Variants in PEG3 observed in about 807,000 individuals in gnomAD.
The protein encoded by PEG3 is paternally-expressed gene 3 protein.
In PEG3, 23 loss-of-function variants were observed where a neutral mutation model predicts 35.5. That is an observed-to-expected ratio of 0.65 (90% CI 0.47 to 0.92). PEG3 has a LOEUF of 0.92. Ranked by LOEUF, PEG3 falls within the 40% of genes least tolerant of loss-of-function variation. The pLI is 0.00. For missense variants in PEG3, 1,960 were observed against 1,985.3 expected, an observed-to-expected ratio of 0.99 and a Z score of 0.24; for synonymous variants, 707 against 697.0, an observed-to-expected ratio of 1.01 and a Z score of -0.23.
rs79209776 is a variant in PEG3 at position 56,834,625 on chromosome 19, G to A, written c.-163+1393C>T. On this transcript the variant is annotated intron_variant, in intron 2 of 9. Transcript: ENST00000326441. ...AAGTCTCCTGAGCTTAGTTAAATGTGGATCTACCAACATGAGCCCTCGGGC... is the reference window on the plus strand; with the variant it reads ...AAGTCTCCTGAGCTTAGTTAAATGTAGATCTACCAACATGAGCCCTCGGGC... Among the ~76,000 whole-genome samples, 247 of 152,232 alleles carry A rather than the reference G, an allele frequency of 1.6e-3. 5 individuals are homozygous for A. In the East Asian group the frequency reaches 0.04, roughly 25 times the overall value.
At chr19:56,821,427 A>AG (rs1286934520) in intron 7 of PEG3, among the ~76,000 whole-genome samples, 2 of 152,102 alleles carry the variant, frequency 1.3e-5, no homozygotes, top group African/African-American at 4.8e-5. Flanking sequence ...ACACATGCTG[A>AG]GGGGGCAGGA....
intron 2 of PEG3, among the ~76,000 whole-genome samples, chr19:56,830,327 C>A (rs968379381): frequency 5.9e-5 from 9 of 152,172 alleles, no homozygotes; most frequent in African/African-American, 2.2e-4. Context: ...TCAGGGTAAA[C>A]TGTTACATAA....
chr19:56,815,034 G>A lies in PEG3; in HGVS notation c.3408C>T (p.Asp1136=), dbSNP rs1474619131. The A allele has an allele frequency of 1.2e-6, 2 of 1,614,088 alleles. No individual in the cohort carries two copies. The highest frequency in any genetic ancestry group is 1.6e-4 in the Middle Eastern group (1 of 6,084). ...QKVHSRKCLV[D]SREYTHSVIH... is the part of the protein sequence containing the mutation. ...TTACAGAATGTGTGTACTCCCGACT[G>A]TCAACCAGGCACTTCCTGCTGTGGA... is the stretch of plus-strand genomic sequence containing the variant. Residue 1136 remains aspartate (D), a synonymous_variant, in exon 10 of 10, where the codon GAC becomes GAT. Transcript: ENST00000326441.
chr19:56,813,396 G>A lies in PEG3; in HGVS notation c.*279C>T, dbSNP rs891319223. On this transcript the variant is annotated 3_prime_UTR_variant, in exon 10 of 10. Coordinates refer to ENST00000326441, the MANE Select transcript of PEG3 (RefSeq NM_006210.3). ...TGATTTGGGCAAACTCTGTAGTCTG[G>A]AATACTCATAGGGTTTTCTCAATCT... is the stretch of plus-strand genomic sequence containing the variant. The A allele has an allele frequency of 2.0e-5, 25 of 1,229,000 alleles. No individual in the cohort carries two copies. In the African/African-American group the frequency reaches 3.3e-4, roughly 16 times the overall value. 76.1% of individuals were successfully genotyped at this position (1,229,000 alleles called of 1,614,324 possible). A position where few individuals can be genotyped will look rare whatever the true frequency, so the allele number is the denominator to read the frequency against.
intron 2 of PEG3, among the ~76,000 whole-genome samples, chr19:56,829,540 T>C (rs2061383989): frequency 6.6e-6 from 1 of 152,088 alleles, no homozygotes. Context: ...GTAACCACAG[T>C]CCTAACACAA....
intron 1 of PEG3, 27 bp downstream of exon 1, chr19:56,840,540 CCGCGGGCAGGAGGCG>C (rs891470370): frequency 1.3e-5 from 2 of 152,278 alleles, no homozygotes; most frequent in Non-Finnish European, 2.9e-5. Flanking sequence ...CACCAAGGTC[CCGCGGGCAGGAGGCG>C]CGCGGGGCGG....
chr19:56,827,906 T>C (rs181856629), intron 2 of PEG3, among the ~76,000 whole-genome samples: 7 of 152,326 alleles, frequency 4.6e-5, no homozygotes, highest in Admixed American at 1.3e-4. Context: ...CTATTAATGA[T>C]GACTAATCGC....
At position 56,812,778 on chromosome 19, in the gene PEG3, T is replaced by A; in HGVS notation, c.*897A>T. Reference sequence around the variant, plus strand: ...AAGATTTACAGGGAAAAGCTTCGGGTTTTATCAATTCACTATCATCAAACA... The same window carrying A: ...AAGATTTACAGGGAAAAGCTTCGGGATTTATCAATTCACTATCATCAAACA... On this transcript the variant is annotated 3_prime_UTR_variant, in exon 10 of 10. Coordinates refer to ENST00000326441, the MANE Select transcript of PEG3 (RefSeq NM_006210.3). 1 of 984,416 alleles carries A rather than the reference T, an allele frequency of 1.0e-6. No individual in the cohort carries two copies. The highest frequency in any genetic ancestry group is 1.2e-6 in the Non-Finnish European group (1 of 829,240). The allele number at this position is 984,416 out of a possible 1,614,324, so 61.0% of individuals were successfully genotyped here.
At chr19:56,833,594 T>A in intron 2 of PEG3, 1 of 183,420 alleles carries the variant, frequency 5.5e-6, no homozygotes, top group Non-Finnish European at 1.2e-5. Context: ...GTTCTCAAAC[T>A]CAGATGTGCA....
In PEG3 at chr19:56,811,036, T is replaced by C. The variant is rs2059503661; in HGVS notation, c.*2639A>G. On this transcript the variant is annotated 3_prime_UTR_variant, in exon 10 of 10. Transcript: ENST00000326441. ...TGACACAGTTATAATCATAAACCTGTGCACAGAAACAAGAATGAACAAGAT... is the reference window on the plus strand; with the variant it reads ...TGACACAGTTATAATCATAAACCTGCGCACAGAAACAAGAATGAACAAGAT... 1.0e-6 allele frequency: 1 copy of C among 980,868 alleles called. No individual in the cohort carries two copies. The highest frequency in any genetic ancestry group is 1.7e-5 in the African/African-American group (1 of 57,184). The allele number at this position is 980,868 out of a possible 1,614,324, so 60.8% of individuals were successfully genotyped here. A position where few individuals can be genotyped will look rare whatever the true frequency, so the allele number is the denominator to read the frequency against.
In PEG3 at chr19:56,813,455, T is replaced by A. The variant is rs549199414; in HGVS notation, c.*220A>T. 1.6e-5 allele frequency: 22 copies of A among 1,379,788 alleles called. No homozygotes were observed. In the South Asian group the frequency reaches 3.6e-4, roughly 23 times the overall value. The allele number at this position is 1,379,788 out of a possible 1,614,324, so 85.5% of individuals were successfully genotyped here. A position where few individuals can be genotyped will look rare whatever the true frequency, so the allele number is the denominator to read the frequency against. On this transcript the variant is annotated 3_prime_UTR_variant, in exon 10 of 10. Coordinates refer to ENST00000326441, the MANE Select transcript of PEG3 (RefSeq NM_006210.3). ...GGAAAGGTAAGATGTGTGCTATGGC[T>A]TTCCCACATGCAGACACTGACATCT...
chr19:56,832,083 T>C (rs551772907), intron 2 of PEG3, among the ~76,000 whole-genome samples: 1 of 152,306 alleles, frequency 6.6e-6, no homozygotes, highest in South Asian at 2.1e-4. Context: ...ATAGAGGAAA[T>C]CTATCAGAAT....
At chr19:56,822,892 C>G (rs1442480223) in intron 5 of PEG3, 56 bp from the exon 6 acceptor site, 1 of 1,575,388 alleles carries the variant, frequency 6.3e-7, no homozygotes, top group Non-Finnish European at 8.6e-7. Flanking sequence ...ACCTGTTTTC[C>G]CTGCATGTGC....
At chr19:56,837,051 T>C (rs1232256380) in intron 1 of PEG3, among the ~76,000 whole-genome samples, 1 of 147,638 alleles carries the variant, frequency 6.8e-6, no homozygotes, top group Non-Finnish European at 1.5e-5. Context: ...TTTCCCTACC[T>C]CAAACAAAAC....
intron 2 of PEG3, among the ~76,000 whole-genome samples, chr19:56,831,452 T>C (rs574130095): frequency 3.3e-4 from 50 of 152,222 alleles, no homozygotes; most frequent in African/African-American, 1.1e-3. Context: ...AGAATTAGGG[T>C]TGGCCTTTGA....
intron 8 of PEG3, 113 bp downstream of exon 8, chr19:56,818,487 C>T (rs2060189633): frequency 1.8e-6 from 2 of 1,120,700 alleles, no homozygotes; most frequent in Non-Finnish European, 2.6e-6. Context: ...TTCTTATTAC[C>T]CTTGAAGTCC....
At chr19:56,839,554 A>G (rs530170583) in intron 1 of PEG3, among the ~76,000 whole-genome samples, 17 of 150,330 alleles carry the variant, frequency 1.1e-4, no homozygotes, top group Admixed American at 9.9e-4. Context: ...CATGGCGTCA[A>G]AGCGGGCGGG....
intron 2 of PEG3, among the ~76,000 whole-genome samples, chr19:56,832,334 C>T (rs1348679204): frequency 1.3e-5 from 2 of 152,152 alleles, no homozygotes; most frequent in African/African-American, 4.8e-5. Flanking sequence ...ACCGACAGTA[C>T]CCTGTGGTCA....
chr19:56,815,828 G>C lies in PEG3; in HGVS notation c.2614C>G (p.Arg872Gly). The C allele has an allele frequency of 6.2e-7, 1 of 1,613,088 alleles. No individual in the cohort carries two copies. Among genetic ancestry groups the C allele is most frequent in the Non-Finnish European group, 8.5e-7 (1 of 1,179,288 alleles). ...TTCTCTCTGGCAGGAATCTTCTGTCGCTTATCATTAAGGTCTGAGATATAA... is the reference window on the plus strand; with the variant it reads ...TTCTCTCTGGCAGGAATCTTCTGTCCCTTATCATTAAGGTCTGAGATATAA... ...SIYISDLNDK[R>G]QKIPARENPC... Residue 872 changes from arginine to glycine, a missense_variant, in exon 10 of 10, where the codon CGA (arginine) becomes GGA (glycine). Arg to Gly is a moderately radical substitution (Grantham distance 125). Coordinates refer to ENST00000326441, the MANE Select transcript of PEG3 (RefSeq NM_006210.3).
Sources: gnomAD v4.1 joint callset for allele counts (sites outside exome capture counted in the v4.1 genomes callset) on GRCh38, gnomAD v4.1.1 for gene constraint, MANE v1.5 for transcripts, NCBI Gene and HGNC (gene_info 2026-07-23, HGNC 2026-07-21) for gene names.